Variants in NUP98 observed in about 807,000 individuals in gnomAD.
The protein encoded by NUP98 is nucleoporin 98 and 96 precursor.
A neutral mutation model predicts 191.9 loss-of-function variants in NUP98; 26 were observed. The observed-to-expected ratio is 0.14, with a 90% confidence interval of 0.10 to 0.19. The LOEUF (loss-of-function observed/expected upper bound fraction) is 0.19, where lower values mean the gene tolerates loss of function less well. Among genes scored for constraint, NUP98 ranks in the 10% least tolerant of loss-of-function variants. The probability of loss-of-function intolerance (pLI) is 1.00; values close to 1 mark genes in which losing one functional copy is unlikely to be tolerated. For missense variants in NUP98, 1,941 were observed against 2,178.8 expected (o/e 0.89, Z 2.17); for synonymous variants, 808 against 778.4 (o/e 1.04, Z -0.63).
intron 30 of NUP98, among the ~76,000 whole-genome samples, chr11:3,681,446 T>C (rs2077981216): frequency 6.6e-6 from 1 of 152,222 alleles, no homozygotes; most frequent in Admixed American, 6.5e-5. Flanking sequence ...TCTTATGAAA[T>C]GTATTTCTTA....
At chr11:3,776,580 T>C (rs1032104071) in intron 4 of NUP98, among the ~76,000 whole-genome samples, 6 of 151,342 alleles carry the variant, frequency 4.0e-5, no homozygotes, top group Admixed American at 2.0e-4. Flanking sequence ...ACCTCCCAGG[T>C]TGACGCCATT....
At chr11:3,749,572 C>A (rs2080661313) in intron 11 of NUP98, among the ~76,000 whole-genome samples, 1 of 152,138 alleles carries the variant, frequency 6.6e-6, no homozygotes, top group South Asian at 2.1e-4. Context: ...TTGCCATGAG[C>A]TGAGATCACA....
At chr11:3,784,579 T>TACA (rs2082076007) in intron 1 of NUP98, among the ~76,000 whole-genome samples, 2 of 89,336 alleles carry the variant, frequency 2.2e-5, no homozygotes, top group African/African-American at 4.4e-5. Flanking sequence ...CTGTCTCTAT[T>TACA]AAAAACAAAA....
intron 1 of NUP98, among the ~76,000 whole-genome samples, chr11:3,789,128 C>G (rs2082247878): frequency 6.6e-6 from 1 of 152,184 alleles, no homozygotes; most frequent in African/African-American, 2.4e-5. Flanking sequence ...GTACAGCCTA[C>G]ACCAAAAGAC....
chr11:3,694,437 T>TAA (rs148615330), intron 26 of NUP98, among the ~76,000 whole-genome samples: 6 of 143,290 alleles, frequency 4.2e-5, no homozygotes, highest in Admixed American at 2.1e-4. Flanking sequence ...ACAGTAGGTT[T>TAA]AAAAAAAAAA....
intron 12 of NUP98, among the ~76,000 whole-genome samples, chr11:3,743,953 G>A (rs1173223239): frequency 6.6e-6 from 1 of 152,010 alleles, no homozygotes; most frequent in Non-Finnish European, 1.5e-5. Flanking sequence ...CAGCTACTCA[G>A]GAAGCTGAGG....
chr11:3,749,857 A>T (rs1270923535), intron 11 of NUP98, among the ~76,000 whole-genome samples: 1 of 152,230 alleles, frequency 6.6e-6, no homozygotes, highest in Non-Finnish European at 1.5e-5. Flanking sequence ...AAATACAGAA[A>T]AATGGGCATT....
intron 29 of NUP98, among the ~76,000 whole-genome samples, chr11:3,684,807 C>G (rs4309184): frequency 2.1e-5 from 3 of 141,424 alleles, no homozygotes; most frequent in African/African-American, 5.3e-5. Flanking sequence ...AAGGCTTAGG[C>G]TTAGAGAGTT....
intron 30 of NUP98, among the ~76,000 whole-genome samples, chr11:3,682,505 T>C (rs1424611727): frequency 6.6e-6 from 1 of 152,096 alleles, no homozygotes; most frequent in Non-Finnish European, 1.5e-5. Context: ...TCTTAGGAAA[T>C]AGGAAGGCCC....
rs34446357 is a variant in NUP98, at chr11:3,679,646, C to T, written c.4981G>A (p.Glu1661Lys). The T allele has an allele frequency of 0.017, 26,771 of 1,614,138 alleles. 356 individuals carry two copies. The highest frequency in any genetic ancestry group is 0.067 in the Admixed American group (4,002 of 60,000). The change falls in exon 31 of 33, where the codon GAG becomes AAG. Residue 1661 changes from glutamate to lysine, a missense_variant. This residue lies in a region of NUP98 where 1,030 missense variants were observed against 1,115.8 expected (regional missense o/e 0.92). Transcript: ENST00000324932. Reference protein sequence around the residue: ...KGFLEDLAPPERSSLIQDWET... With the variant: ...KGFLEDLAPPKRSSLIQDWET... Reference sequence around the variant, plus strand: ...CAATCCTGAATTAGGCTGCTGCGCTCTGGAGGTGCCAGGTCTTCCAAGAAC... The same window carrying T: ...CAATCCTGAATTAGGCTGCTGCGCTTTGGAGGTGCCAGGTCTTCCAAGAAC...
chr11:3,712,441 T>C (rs1354711246), intron 20 of NUP98, 123 bp downstream of exon 20: 15 of 1,491,650 alleles, frequency 1.0e-5, no homozygotes, highest in African/African-American at 5.6e-5. Flanking sequence ...TTCAACGTGA[T>C]TGCCAATGTT....
intron 10 of NUP98, among the ~76,000 whole-genome samples, chr11:3,755,470 G>GA (rs994286257): frequency 1.1e-4 from 15 of 139,636 alleles, no homozygotes; most frequent in Non-Finnish European, 1.7e-4. Flanking sequence ...GTCTCCAAAA[G>GA]AAAAAAAAAA....
At chr11:3,741,608 G>A (rs990429038) in intron 12 of NUP98, among the ~76,000 whole-genome samples, 1 of 151,842 alleles carries the variant, frequency 6.6e-6, no homozygotes, top group African/African-American at 2.4e-5. Context: ...GTGACAGTGC[G>A]AAACTCCGTC....
chr11:3,713,945 C>A lies in NUP98; in HGVS notation c.2450G>T (p.Arg817Leu). The change falls in exon 19 of 33, where the codon CGT becomes CTT. Residue 817 changes from arginine (R) to leucine (L), a missense_variant. By Grantham distance (102) the Arg-to-Leu change is moderately radical. Around this residue, in one of 6 missense-constraint regions of NUP98, gnomAD observed 95 missense variants for 139.7 expected, o/e 0.68. Coordinates refer to ENST00000324932, the MANE Select transcript of NUP98 (RefSeq NM_016320.5). ...GCGATCTGGGCTCTTTATTAAACAA[C>A]GAGATGTTTTATCTGTTGGCCAAAC... ...DGVWPTDKTSRCLIKSPDRLA... is the reference protein window; with the variant it reads ...DGVWPTDKTSLCLIKSPDRLA... The A allele has an allele frequency of 6.2e-7, 1 of 1,614,046 alleles. No individual in the cohort carries two copies. Among genetic ancestry groups the A allele is most frequent in the Non-Finnish European group, 8.5e-7 (1 of 1,180,010 alleles).
At chr11:3,700,244 C>CAG (rs1044880578) in intron 24 of NUP98, among the ~76,000 whole-genome samples, 2 of 121,816 alleles carry the variant, frequency 1.6e-5, no homozygotes, top group African/African-American at 6.5e-5. Flanking sequence ...CTCCCAGCTA[C>CAG]AGTGACAGAG....
At chr11:3,694,000 G>A (rs1010290990) in intron 26 of NUP98, among the ~76,000 whole-genome samples, 1 of 151,952 alleles carries the variant, frequency 6.6e-6, no homozygotes, top group Admixed American at 6.6e-5. Flanking sequence ...GGAGGCCGAG[G>A]TGGTCGGATT....
At chr11:3,768,472 T>C in intron 8 of NUP98, 109 bp downstream of exon 8, 1 of 936,158 alleles carries the variant, frequency 1.1e-6, no homozygotes, top group Non-Finnish European at 1.5e-6. Context: ...TACCCTCAAC[T>C]CTTAAGATTT....
chr11:3,782,569 C>CTTT (rs1564925818), intron 1 of NUP98, among the ~76,000 whole-genome samples: 1 of 121,994 alleles, frequency 8.2e-6, no homozygotes, highest in Admixed American at 8.1e-5. Flanking sequence ...AAAAAGCTAA[C>CTTT]ATTTTTTTTT....
rs764563730 is a variant in NUP98 at position 3,705,238 on chromosome 11, G to A, written c.3044C>T (p.Pro1015Leu). 44 of 1,614,220 alleles carry A rather than the reference G, an allele frequency of 2.7e-5. 1 individual carries two copies. The South Asian group carries it at 3.6e-4, about 13-fold the overall frequency. The change falls in exon 22 of 33, where the codon CCC becomes CTC. Residue 1015 changes from proline to leucine, a missense_variant. Around this residue, in one of 6 missense-constraint regions of NUP98, gnomAD observed 1,030 missense variants for 1,115.8 expected, o/e 0.92. Coordinates refer to ENST00000324932, the MANE Select transcript of NUP98 (RefSeq NM_016320.5). Reference protein sequence around the residue: ...TSQEICSPRLPISASHSSKTR... With the variant: ...TSQEICSPRLLISASHSSKTR... Reference sequence around the variant, plus strand: ...TTTCGACGAGTGGGATGCTGAAATGGGGAGTCTGGGAGAACAGATTTCTTG... The same window carrying A: ...TTTCGACGAGTGGGATGCTGAAATGAGGAGTCTGGGAGAACAGATTTCTTG...
Sources: gnomAD v4.1 joint callset for allele counts (sites outside exome capture counted in the v4.1 genomes callset) on GRCh38, gnomAD v4.1.1 for gene constraint, gnomAD v4.1.1 regional missense constraint, MANE v1.5 for transcripts, NCBI Gene and HGNC (gene_info 2026-07-23, HGNC 2026-07-21) for gene names.